Variants in LOC400499 observed in about 807,000 individuals in gnomAD.
the LOC400499 span, among the ~76,000 whole-genome samples, chr16:11,497,189 G>A: frequency 6.6e-6 from 1 of 152,176 alleles, no homozygotes; most frequent in Non-Finnish European, 1.5e-5. Flanking sequence ...ATGGGTGCCT[G>A]CTTCAGTGTG....
the LOC400499 span, among the ~76,000 whole-genome samples, chr16:11,387,984 T>G: frequency 6.6e-6 from 1 of 151,956 alleles, no homozygotes; most frequent in Non-Finnish European, 1.5e-5. Flanking sequence ...GGATCTAGAG[T>G]AGGAGTCAAG....
At chr16:11,409,246 G>A in the LOC400499 span, among the ~76,000 whole-genome samples, 1 of 151,912 alleles carries the variant, frequency 6.6e-6, no homozygotes, top group East Asian at 1.9e-4. Context: ...GGGTGACAGA[G>A]TGAAACTTCA....
At chr16:11,443,410 G>A in the LOC400499 span, 6 of 420,036 alleles carry the variant, frequency 1.4e-5, no homozygotes, top group Admixed American at 1.7e-4. Flanking sequence ...GCGGTGAGCT[G>A]AGATCAAGTC....
chr16:11,442,413 G>C, the LOC400499 span: 6 of 152,028 alleles, frequency 3.9e-5, no homozygotes, highest in African/African-American at 1.5e-4. Context: ...GTAGAGATGG[G>C]GGTTTCACCA....
the LOC400499 span, among the ~76,000 whole-genome samples, chr16:11,502,459 T>C: frequency 7.8e-4 from 119 of 152,360 alleles, no homozygotes; most frequent in Middle Eastern, 3.4e-3. Context: ...GCACTCAGGA[T>C]ATGGCAGTGA....
At chr16:11,497,402 G>C in the LOC400499 span, among the ~76,000 whole-genome samples, 5 of 152,250 alleles carry the variant, frequency 3.3e-5, no homozygotes, top group Non-Finnish European at 7.3e-5. Flanking sequence ...AAGCGGGCTT[G>C]GCTGGGAGGG....
chr16:11,427,290 G>A, the LOC400499 span, among the ~76,000 whole-genome samples: 1 of 141,668 alleles, frequency 7.1e-6, no homozygotes, highest in Non-Finnish European at 1.5e-5. Context: ...AGAGGTTGCG[G>A]TAAGCTGAGA....
At chr16:11,499,657 G>A in the LOC400499 span, among the ~76,000 whole-genome samples, 1 of 152,086 alleles carries the variant, frequency 6.6e-6, no homozygotes, top group Admixed American at 6.5e-5. Flanking sequence ...CAGCTCCAGG[G>A]GCTCTCAGAT....
the LOC400499 span, chr16:11,392,775 G>A: frequency 2.8e-4 from 279 of 983,996 alleles, no homozygotes; most frequent in African/African-American, 4.3e-3. Flanking sequence ...GGAGTACAGT[G>A]GCTGGATCAC....
the LOC400499 span, among the ~76,000 whole-genome samples, chr16:11,421,478 T>G: frequency 6.6e-6 from 1 of 152,118 alleles, no homozygotes; most frequent in East Asian, 1.9e-4. Flanking sequence ...CTTGGCTCAC[T>G]GCAACCTCCG....
the LOC400499 span, among the ~76,000 whole-genome samples, chr16:11,515,100 G>A: frequency 1.3e-5 from 2 of 152,210 alleles, no homozygotes; most frequent in Non-Finnish European, 1.5e-5. Flanking sequence ...GAGCTCAGAA[G>A]TTCAAGATCA....
chr16:11,373,997 C>T, the LOC400499 span, among the ~76,000 whole-genome samples: 1 of 152,152 alleles, frequency 6.6e-6, no homozygotes, highest in Non-Finnish European at 1.5e-5. Context: ...TCTGCCATCT[C>T]TTTCTACTAC....
At chr16:11,404,923 G>T in the LOC400499 span, 725 of 398,714 alleles carry the variant, frequency 1.8e-3, 9 homozygotes, top group South Asian at 0.029. Context: ...GCCTGGGATG[G>T]GAAAGAAGAG....
chr16:11,385,349 G>C, the LOC400499 span: 7 of 1,232,246 alleles, frequency 5.7e-6, no homozygotes, highest in Non-Finnish European at 7.1e-6. Context: ...TGCCGCACTG[G>C]GTGCTGAGGT....
At chr16:11,435,710 G>T in the LOC400499 span, 1 of 399,248 alleles carries the variant, frequency 2.5e-6, no homozygotes, top group East Asian at 3.6e-5. Context: ...AGCCCTGGGG[G>T]CACTGAGGAC....
the LOC400499 span, among the ~76,000 whole-genome samples, chr16:11,477,240 C>T: frequency 6.6e-6 from 1 of 152,236 alleles, no homozygotes; most frequent in Admixed American, 6.5e-5. Context: ...AGTCCCAGCC[C>T]AGGCTCTTCA....
the LOC400499 span, among the ~76,000 whole-genome samples, chr16:11,488,271 C>A: frequency 1.3e-5 from 2 of 151,892 alleles, no homozygotes; most frequent in Non-Finnish European, 2.9e-5. Context: ...GTACAAACAG[C>A]CAATTTAGAG....
the LOC400499 span, among the ~76,000 whole-genome samples, chr16:11,476,584 T>C: frequency 0.023 from 3,466 of 152,214 alleles, 90 homozygotes; most frequent in East Asian, 0.14. Context: ...CACAGGCTCA[T>C]GGGTGCACAC....
chr16:11,525,922 A>G, the LOC400499 span, among the ~76,000 whole-genome samples: 1 of 152,250 alleles, frequency 6.6e-6, no homozygotes, highest in Non-Finnish European at 1.5e-5. Context: ...CTTCAATCAG[A>G]TCCTACTCAC....
Sources: allele counts gnomAD v4.1 joint callset (sites outside exome capture counted in the v4.1 genomes callset), GRCh38; gene constraint gnomAD v4.1.1; transcripts MANE v1.5.